AGMO: variants seen among roughly 807,000 people sequenced by gnomAD.
AGMO encodes the protein alkylglycerol monooxygenase, also known as glyceryl-ether monooxygenase.
AGMO carries 75 observed loss-of-function variants against 60.2 expected under a neutral mutation model. The observed-to-expected ratio is 1.25, with a 90% CI of 1.03 to 1.51. AGMO has a LOEUF of 1.51. AGMO is among the 40% of genes most tolerant of loss of function. The pLI is 0.00. For missense variants in AGMO, 763 were observed against 525.5 expected (o/e 1.45, Z -4.42); for synonymous variants, 261 against 177.1 (o/e 1.47, Z -3.76).
the AGMO span, among the ~76,000 whole-genome samples, chr7:15,184,282 G>GGAGA: frequency 2.2e-5 from 2 of 92,366 alleles, no homozygotes; most frequent in East Asian, 7.7e-4. Context: ...GAAAGAAAAG[G>GGAGA]AAGGAAGGAA....
At chr7:15,165,519 T>C in the AGMO span, among the ~76,000 whole-genome samples, 1 of 152,180 alleles carries the variant, frequency 6.6e-6, no homozygotes, top group African/African-American at 2.4e-5. Flanking sequence ...AAGCCTTATG[T>C]TTTTGTATTT....
At chr7:15,553,178 G>T (rs200498342) in intron 2 of AGMO, among the ~76,000 whole-genome samples, 27,478 of 150,808 alleles carry the variant, frequency 0.18, 2,735 homozygotes, top group South Asian at 0.35. Context: ...TTGTGGGGTG[G>T]GCGGAGGGGG....
intron 12 of AGMO, among the ~76,000 whole-genome samples, chr7:15,205,875 T>C (rs996418080): frequency 2.0e-5 from 3 of 152,234 alleles, no homozygotes; most frequent in South Asian, 4.1e-4. Flanking sequence ...ATTGTTTCTG[T>C]AGTATCAGTG....
chr7:15,521,848 G>T (rs1774798020), intron 3 of AGMO, among the ~76,000 whole-genome samples: 1 of 152,046 alleles, frequency 6.6e-6, no homozygotes, highest in African/African-American at 2.4e-5. Context: ...TTCTGGCCAG[G>T]GCAATCAGGC....
downstream of AGMO, among the ~76,000 whole-genome samples, chr7:15,198,260 AGACAGAGAGAGAGT>A (rs1781186106): frequency 7.1e-5 from 7 of 98,376 alleles, no homozygotes; most frequent in South Asian, 4.3e-4. Flanking sequence ...AGAGAGACAG[AGACAGAGAGAGAGT>A]GTGTTAAAGT....
At chr7:15,278,227 C>T (rs552058388) in intron 12 of AGMO, among the ~76,000 whole-genome samples, 1 of 152,284 alleles carries the variant, frequency 6.6e-6, no homozygotes, top group East Asian at 1.9e-4. Flanking sequence ...AACACTGCTG[C>T]TTCATGTACA....
intron 12 of AGMO, among the ~76,000 whole-genome samples, chr7:15,263,683 C>A (rs1177080829): frequency 6.6e-6 from 1 of 151,920 alleles, no homozygotes; most frequent in Middle Eastern, 3.2e-3. Flanking sequence ...TGCTCATCAA[C>A]CAATGAAGGG....
intron 5 of AGMO, among the ~76,000 whole-genome samples, chr7:15,412,368 G>C (rs771120741): frequency 2.0e-5 from 3 of 151,976 alleles, no homozygotes; most frequent in Non-Finnish European, 4.4e-5. Flanking sequence ...TATGCACTAG[G>C]TTAGGAGTCG....
intron 12 of AGMO, among the ~76,000 whole-genome samples, chr7:15,239,850 C>T (rs1303959744): frequency 6.6e-6 from 1 of 152,178 alleles, no homozygotes; most frequent in Non-Finnish European, 1.5e-5. Flanking sequence ...TGAGCCTCAC[C>T]GGTTTTCAGC....
intron 12 of AGMO, among the ~76,000 whole-genome samples, chr7:15,287,396 C>T (rs575779017): frequency 2.6e-5 from 4 of 152,198 alleles, no homozygotes; most frequent in East Asian, 1.9e-4. Flanking sequence ...CTCCTCACCA[C>T]GCAGAGAAAC....
At chr7:15,321,383 G>C (rs935896619) in intron 12 of AGMO, among the ~76,000 whole-genome samples, 1 of 152,148 alleles carries the variant, frequency 6.6e-6, no homozygotes, top group African/African-American at 2.4e-5. Flanking sequence ...GTTTCTGAGT[G>C]AAATACTTTC....
chr7:15,312,492 C>CA (rs1370815990), intron 12 of AGMO, among the ~76,000 whole-genome samples: 76 of 105,868 alleles, frequency 7.2e-4, no homozygotes, highest in Admixed American at 3.2e-3. Flanking sequence ...TTAGTGTGCC[C>CA]AAAAAAAACA....
At chr7:15,403,515 T>A (rs1784609870) in intron 5 of AGMO, among the ~76,000 whole-genome samples, 2 of 151,968 alleles carry the variant, frequency 1.3e-5, no homozygotes. Flanking sequence ...GTAGAATAAA[T>A]GACAACATCA....
At chr7:15,370,278 G>C (rs185994172) in intron 10 of AGMO, among the ~76,000 whole-genome samples, 1 of 152,080 alleles carries the variant, frequency 6.6e-6, no homozygotes, top group African/African-American at 2.4e-5. Flanking sequence ...TATGTAACAC[G>C]TTTTCTTCAA....
chr7:15,390,544 T>C (rs1652029417), intron 8 of AGMO, 127 bp downstream of exon 8: 1 of 575,184 alleles, frequency 1.7e-6, no homozygotes, highest in Non-Finnish European at 2.9e-6. Flanking sequence ...TTGTAAATTT[T>C]TTAACAGTTA....
At chr7:15,322,915 CAT>C (rs1373822219) in intron 12 of AGMO, among the ~76,000 whole-genome samples, 33 of 146,082 alleles carry the variant, frequency 2.3e-4, no homozygotes, top group South Asian at 4.2e-4. Context: ...TATATATACA[CAT>C]ATATGTGTTT....
chr7:15,390,447 G>C (rs911161057), intron 8 of AGMO, among the ~76,000 whole-genome samples: 1 of 152,026 alleles, frequency 6.6e-6, no homozygotes, highest in Non-Finnish European at 1.5e-5. Context: ...TTTCATTCTA[G>C]GCCATAGACA....
At chr7:15,489,351 A>T (rs1283003011) in intron 3 of AGMO, among the ~76,000 whole-genome samples, 1 of 152,190 alleles carries the variant, frequency 6.6e-6, no homozygotes, top group Non-Finnish European at 1.5e-5. Flanking sequence ...ATGTAAAATT[A>T]AAAATGTTAT....
chr7:15,385,400 A>T, intron 10 of AGMO, 46 bp downstream of exon 10: 2 of 1,247,114 alleles, frequency 1.6e-6, no homozygotes, highest in Non-Finnish European at 2.3e-6. Flanking sequence ...TTTCAAACAA[A>T]GTAACAGATA....
Sources: gnomAD v4.1 joint callset for allele counts (sites outside exome capture counted in the v4.1 genomes callset) on GRCh38, gnomAD v4.1.1 for gene constraint, MANE v1.5 for transcripts, NCBI Gene and HGNC (gene_info 2026-07-23, HGNC 2026-07-21) for gene names.